Variants in RALGPS1 observed in about 807,000 individuals in gnomAD.
RALGPS1 encodes the protein ras-specific guanine nucleotide-releasing factor RalGPS1.
In RALGPS1, 19 loss-of-function variants were observed where a neutral mutation model predicts 78.8. That is an observed-to-expected ratio of 0.24 (90% CI 0.17 to 0.35). RALGPS1 has a LOEUF of 0.35. RALGPS1 is among the 10% of genes least tolerant of loss of function. RALGPS1 has a pLI of 1.00. For missense variants in RALGPS1, 454 were observed against 688.3 expected (o/e 0.66, Z 3.81); for synonymous variants, 228 against 256.3 (o/e 0.89, Z 1.06).
intron 8 of RALGPS1, among the ~76,000 whole-genome samples, chr9:127,158,593 A>G (rs765688122): frequency 2.6e-4 from 39 of 152,092 alleles, no homozygotes; most frequent in Admixed American, 4.6e-4. Context: ...ACCAACTTTC[A>G]GTTTTATTTA....
intron 14 of RALGPS1, among the ~76,000 whole-genome samples, chr9:127,201,717 A>T (rs1588530674): frequency 6.6e-6 from 1 of 151,102 alleles, no homozygotes; most frequent in South Asian, 2.1e-4. Flanking sequence ...TCCTCCCTCC[A>T]CTCCCAGCTC....
chr9:127,150,028 AG>A (rs2058330319), intron 8 of RALGPS1, among the ~76,000 whole-genome samples: 1 of 152,226 alleles, frequency 6.6e-6, no homozygotes, highest in Non-Finnish European at 1.5e-5. Flanking sequence ...CAGACTCAAG[AG>A]TCAGACCTGA....
intron 4 of RALGPS1, among the ~76,000 whole-genome samples, chr9:127,011,604 C>T (rs17446532): frequency 0.42 from 64,262 of 152,086 alleles, 15,046 homozygotes; most frequent in Non-Finnish European, 0.52. Context: ...CTGGCTGGTA[C>T]TTTAATAGCC....
At chr9:127,070,398 A>G (rs377307975) in intron 8 of RALGPS1, among the ~76,000 whole-genome samples, 23 of 152,324 alleles carry the variant, frequency 1.5e-4, no homozygotes, top group African/African-American at 5.5e-4. Flanking sequence ...TTCTACATGT[A>G]GTTATGATTA....
chr9:126,975,651 T>C (rs1199399869), intron 3 of RALGPS1, among the ~76,000 whole-genome samples: 1 of 152,130 alleles, frequency 6.6e-6, no homozygotes, highest in Non-Finnish European at 1.5e-5. Flanking sequence ...GCAGAAGAAA[T>C]GCCAGTCTGT....
chr9:126,945,847 G>A (rs2037211447), intron 1 of RALGPS1, among the ~76,000 whole-genome samples: 1 of 152,174 alleles, frequency 6.6e-6, no homozygotes, highest in Admixed American at 6.6e-5. Flanking sequence ...GGCAGACATC[G>A]TCTTCTCTTA....
At chr9:127,010,676 G>A (rs1331311156) in intron 4 of RALGPS1, among the ~76,000 whole-genome samples, 5 of 152,224 alleles carry the variant, frequency 3.3e-5, no homozygotes, top group Non-Finnish European at 4.4e-5. Context: ...CAAGAACATG[G>A]CTGCAGGGCT....
At chr9:126,915,802 T>C (rs1310718065) in intron 1 of RALGPS1, among the ~76,000 whole-genome samples, 1 of 151,986 alleles carries the variant, frequency 6.6e-6, no homozygotes, top group Non-Finnish European at 1.5e-5. Context: ...TGGTTGTCAT[T>C]GGATGATCGG....
chr9:127,110,312 G>T (rs1564599340), intron 8 of RALGPS1, among the ~76,000 whole-genome samples: 1 of 152,122 alleles, frequency 6.6e-6, no homozygotes, highest in Non-Finnish European at 1.5e-5. Context: ...ATACAGTTGG[G>T]CTCCCTTCTT....
intron 8 of RALGPS1, among the ~76,000 whole-genome samples, chr9:127,121,136 C>G (rs879041282): frequency 6.6e-6 from 1 of 152,196 alleles, no homozygotes; most frequent in Non-Finnish European, 1.5e-5. Flanking sequence ...ATAATAATGC[C>G]TGTGCTATAG....
rs1439018071 is a variant in RALGPS1 at position 127,174,812 on chromosome 9, C to A, written c.910+30C>A. 4 of 1,601,712 alleles carry A rather than the reference C, an allele frequency of 2.5e-6. No homozygotes were observed. The South Asian group carries it at 4.4e-5, about 18-fold the overall frequency. On this transcript the variant is annotated intron_variant, in intron 11 of 18. Transcript: ENST00000259351. The stretch of plus-strand genomic sequence containing the variant: ...CGTAGCTACCTCGAGTGGGAGCAAA[C>A]CCACTTAATAGCCTAATTGTGGCTG...
chr9:127,045,752 C>T (rs1028787353), intron 5 of RALGPS1, among the ~76,000 whole-genome samples: 3 of 89,826 alleles, frequency 3.3e-5, no homozygotes, highest in African/African-American at 1.4e-4. Context: ...CACACACACA[C>T]ACACACACAT....
chr9:126,945,700 C>G (rs1228438334), intron 1 of RALGPS1, among the ~76,000 whole-genome samples: 2 of 152,212 alleles, frequency 1.3e-5, no homozygotes, highest in Non-Finnish European at 2.9e-5. Context: ...ACACTGCACA[C>G]AGGGTGTTCT....
At chr9:126,974,722 T>TAC (rs1284889429) in intron 3 of RALGPS1, among the ~76,000 whole-genome samples, 2 of 152,212 alleles carry the variant, frequency 1.3e-5, no homozygotes, top group African/African-American at 4.8e-5. Context: ...TTAAGAGACT[T>TAC]ACGAGTGTTC....
chr9:127,066,559 T>C (rs2049725442), intron 7 of RALGPS1, among the ~76,000 whole-genome samples: 1 of 152,190 alleles, frequency 6.6e-6, no homozygotes, highest in Non-Finnish European at 1.5e-5. Context: ...GATAATTGCT[T>C]GAACCCAGGA....
At chr9:127,003,732 G>A (rs1190682439) in intron 4 of RALGPS1, among the ~76,000 whole-genome samples, 2 of 150,870 alleles carry the variant, frequency 1.3e-5, no homozygotes, top group Non-Finnish European at 2.9e-5. Flanking sequence ...TTTATTTTAA[G>A]TTGTGGGATA....
intron 4 of RALGPS1, among the ~76,000 whole-genome samples, chr9:127,015,122 C>T (rs1329278450): frequency 6.6e-6 from 1 of 152,188 alleles, no homozygotes; most frequent in East Asian, 1.9e-4. Flanking sequence ...GTGCCATTCA[C>T]TTTGTAGATA....
intron 1 of RALGPS1, among the ~76,000 whole-genome samples, chr9:126,920,179 G>C (rs1179936520): frequency 6.6e-6 from 1 of 152,058 alleles, no homozygotes; most frequent in East Asian, 1.9e-4. Flanking sequence ...ATAGTGTGAT[G>C]GACCTGTGCT....
chr9:127,039,928 G>A (rs1589154109), intron 5 of RALGPS1, among the ~76,000 whole-genome samples: 1 of 152,306 alleles, frequency 6.6e-6, no homozygotes, highest in African/African-American at 2.4e-5. Context: ...AATAGAGATT[G>A]TGATTTTCTA....
Sources: allele counts gnomAD v4.1 joint callset (sites outside exome capture counted in the v4.1 genomes callset), GRCh38; gene constraint gnomAD v4.1.1; transcripts MANE v1.5; gene names NCBI Gene and HGNC (gene_info 2026-07-23, HGNC 2026-07-21).